Variants in EFCAB13 observed in about 807,000 individuals in gnomAD.
The protein encoded by EFCAB13 is EF-hand calcium binding domain 13.
Under a neutral mutation model 110.2 loss-of-function variants are expected in EFCAB13, and 91 were observed. That is an observed-to-expected ratio of 0.83 (90% CI 0.70 to 0.98). EFCAB13 has a LOEUF of 0.98. Among genes scored for constraint, EFCAB13 ranks in the 50% least tolerant of loss-of-function variants. The pLI, the probability that EFCAB13 is intolerant of heterozygous loss-of-function variation, is 0.00. For synonymous variants in EFCAB13, 323 were observed against 369.9 expected (o/e 0.87, Z 1.45); for missense variants, 968 against 1,119.4 (o/e 0.86, Z 1.93).
chr17:47,377,633 G>A, intron 12 of EFCAB13, 133 bp from the exon 13 acceptor site: 1 of 659,452 alleles, frequency 1.5e-6, no homozygotes, highest in Non-Finnish European at 2.4e-6. Context: ...GGAGAGAAAA[G>A]CAGTCTTATA....
Position 47,409,634 on chromosome 17 carries a change from T to C in EFCAB13, c.2234-13T>C. 1 of 1,605,182 alleles carries C rather than the reference T, an allele frequency of 6.2e-7. No individual in the cohort carries two copies. Among genetic ancestry groups the C allele is most frequent in the Non-Finnish European group, 8.5e-7 (1 of 1,172,148 alleles). ...CATTCCTCATTGTGTAATGTCTCTC[T>C]CTAAATTTGCAGATTTCAGGAAAGA... On this transcript the variant is annotated splice_polypyrimidine_tract_variant and intron_variant, in intron 20 of 24. Transcript: ENST00000331493.
At chr17:47,371,464 A>T (rs959990868) in intron 11 of EFCAB13, among the ~76,000 whole-genome samples, 2 of 152,104 alleles carry the variant, frequency 1.3e-5, no homozygotes, top group Non-Finnish European at 2.9e-5. Flanking sequence ...TTTTCCCAGC[A>T]CCATTTATTG....
chr17:47,426,650 A>G (rs1024808379), intron 23 of EFCAB13, among the ~76,000 whole-genome samples: 1 of 152,146 alleles, frequency 6.6e-6, no homozygotes, highest in Admixed American at 6.5e-5. Context: ...ATGGAAATAA[A>G]TTTTGTATTT....
chr17:47,364,590 C>T (rs2065535438), intron 10 of EFCAB13, among the ~76,000 whole-genome samples: 2 of 152,164 alleles, frequency 1.3e-5, no homozygotes, highest in South Asian at 2.1e-4. Flanking sequence ...GGATTACAGA[C>T]GTGATCTATT....
chr17:47,361,149 T>C (rs72825658), intron 9 of EFCAB13, among the ~76,000 whole-genome samples: 7,969 of 152,266 alleles, frequency 0.052, 262 homozygotes, highest in East Asian at 0.11. Context: ...TTTTATGTGC[T>C]AAGGATTGTT....
At chr17:47,405,780 G>GT (rs1183080877) in intron 20 of EFCAB13, among the ~76,000 whole-genome samples, 2 of 151,250 alleles carry the variant, frequency 1.3e-5, no homozygotes, top group Non-Finnish European at 3.0e-5. Flanking sequence ...TAGCTCTTGG[G>GT]TTTATCTTTA....
rs1261475990 is a variant in EFCAB13 at position 47,431,067 on chromosome 17, T to C, written c.2638+1106T>C. Among the ~76,000 whole-genome samples, 6 of 152,092 alleles carry C rather than the reference T, an allele frequency of 3.9e-5. No homozygotes were observed. Among genetic ancestry groups the C allele is most frequent in the Non-Finnish European group, 8.8e-5 (6 of 67,970 alleles). On this transcript the variant is annotated intron_variant, in intron 24 of 24. Transcript: ENST00000331493. This position sits in a 1 kb window ranked among gnomAD's most constrained non-coding sequence, Gnocchi z 4.1. ...ATATATAATGATCAAATCAGGATAG[T>C]TGGGTTATCTGTTACCTCAAGCATT...
chr17:47,404,696 A>G (rs1205847402), intron 20 of EFCAB13, 63 bp downstream of exon 20: 1 of 1,273,374 alleles, frequency 7.9e-7, no homozygotes, highest in East Asian at 2.4e-5. Flanking sequence ...AAGTTCACCT[A>G]GTAAAACCCT....
chr17:47,414,738 A>G, intron 22 of EFCAB13, 110 bp from the exon 23 acceptor site: 2 of 716,650 alleles, frequency 2.8e-6, no homozygotes, highest in Non-Finnish European at 4.8e-6. Flanking sequence ...TTGAGACAGA[A>G]AAGTGAGCTA....
intron 14 of EFCAB13, among the ~76,000 whole-genome samples, chr17:47,390,300 G>A (rs1598746011): frequency 6.7e-6 from 1 of 150,066 alleles, no homozygotes; most frequent in Non-Finnish European, 1.5e-5. Flanking sequence ...CAATATACAC[G>A]CATACACAAC....
At chr17:47,381,679 T>C (rs1257257673) in intron 14 of EFCAB13, among the ~76,000 whole-genome samples, 2 of 152,102 alleles carry the variant, frequency 1.3e-5, no homozygotes, top group East Asian at 1.9e-4. Flanking sequence ...GTGGTGCTAT[T>C]TGAGACCTCT....
At chr17:47,356,914 C>G (rs903857898) in intron 9 of EFCAB13, among the ~76,000 whole-genome samples, 6 of 152,100 alleles carry the variant, frequency 3.9e-5, no homozygotes, top group African/African-American at 1.4e-4. Flanking sequence ...CAGCTGCTGT[C>G]GGGGTGAAGG....
Position 47,374,909 on chromosome 17 carries a change from C to T in EFCAB13, c.1315C>T (p.His439Tyr). The T allele has an allele frequency of 1.2e-6, 2 of 1,602,054 alleles. No homozygotes were observed. The highest frequency in any genetic ancestry group is 1.7e-6 in the Non-Finnish European group (2 of 1,176,980). The change falls in exon 12 of 25, where the codon CAT (histidine) becomes TAT (tyrosine). Residue 439 changes from histidine (H) to tyrosine (Y), a missense_variant. Physicochemically the swap from His to Tyr is moderately conservative, Grantham distance 83. Coordinates refer to ENST00000331493, the MANE Select transcript of EFCAB13 (RefSeq NM_152347.5). The stretch of plus-strand genomic sequence containing the variant: ...ACTTCAGAAGCCAGCTGTAAGAAAG[C>T]ATTCCAGTCTCCAAAAACAGGTTTC... ...PKLQKPAVRK[H>Y]SSLQKQVSST... is the part of the protein sequence containing the mutation.
chr17:47,430,065 T>C (rs1905082281), intron 24 of EFCAB13, 104 bp downstream of exon 24: 1 of 1,400,360 alleles, frequency 7.1e-7, no homozygotes, highest in African/African-American at 1.4e-5. Flanking sequence ...CTGTGGAAGC[T>C]GAGGTGGGAT....
chr17:47,391,597 C>G lies in EFCAB13; in HGVS notation c.1726+17C>G. The G allele has an allele frequency of 6.5e-7, 1 of 1,549,694 alleles. No homozygotes were observed. On this transcript the variant is annotated intron_variant, in intron 15 of 24. Coordinates refer to ENST00000331493, the MANE Select transcript of EFCAB13 (RefSeq NM_152347.5). ...AAGCTGGTGGTGAGTGATATATTTT[C>G]AGGCAAACTGCATTGACACATCTGG...
intron 9 of EFCAB13, among the ~76,000 whole-genome samples, chr17:47,352,153 C>T (rs779196172): frequency 3.3e-5 from 5 of 151,980 alleles, no homozygotes; most frequent in East Asian, 1.9e-4. Context: ...CCTCCCACCT[C>T]GGCCTCCCAA....
At chr17:47,334,776 A>G (rs950935839) in intron 4 of EFCAB13, among the ~76,000 whole-genome samples, 2 of 152,024 alleles carry the variant, frequency 1.3e-5, no homozygotes, top group East Asian at 1.9e-4. Context: ...TTAGCCACGC[A>G]TGATGGTGCA....
At chr17:47,397,397 C>T (rs1266148904) in intron 17 of EFCAB13, among the ~76,000 whole-genome samples, 3 of 152,066 alleles carry the variant, frequency 2.0e-5, no homozygotes, top group Admixed American at 6.5e-5. Flanking sequence ...CTTGGCCTCC[C>T]AAAGTGCCGA....
At chr17:47,330,272 GTTATT>G (rs753269446) in intron 4 of EFCAB13, among the ~76,000 whole-genome samples, 75 of 151,412 alleles carry the variant, frequency 5.0e-4, no homozygotes, top group Non-Finnish European at 8.3e-4. Context: ...TTTGTTTTTT[GTTATT>G]TTATTTTTTG....
Sources: gnomAD v4.1 joint callset for allele counts (sites outside exome capture counted in the v4.1 genomes callset) on GRCh38, gnomAD v4.1.1 for gene constraint, Gnocchi (gnomAD v3.1) non-coding constraint, MANE v1.5 for transcripts, NCBI Gene and HGNC (gene_info 2026-07-23, HGNC 2026-07-21) for gene names.